Variants in DNAJB6 observed in about 807,000 individuals in gnomAD.
The protein encoded by DNAJB6 is dnaJ homolog subfamily B member 6.
DNAJB6 carries 16 observed loss-of-function variants against 42.7 expected under a neutral mutation model. The observed-to-expected ratio is 0.37, with a 90% CI of 0.25 to 0.57. DNAJB6 has a LOEUF of 0.57. Among genes scored for constraint, DNAJB6 ranks in the 20% least tolerant of loss-of-function variants. The pLI is 0.74. For missense variants in DNAJB6, 347 were observed against 416.8 expected (o/e 0.83, Z 1.46); for synonymous variants, 170 against 163.5 (o/e 1.04, Z -0.30).
chr7:157,399,537 C>T (rs1801748615), intron 8 of DNAJB6, among the ~76,000 whole-genome samples: 1 of 152,228 alleles, frequency 6.6e-6, no homozygotes, highest in African/African-American at 2.4e-5. Flanking sequence ...TGCGGCCTAG[C>T]AGCAGTCGGC....
At position 157,416,324 on chromosome 7, in the gene DNAJB6, T is replaced by C; in HGVS notation, c.*226T>C. 3.5e-6 allele frequency: 2 copies of C among 576,450 alleles called. No individual in the cohort carries two copies. Among genetic ancestry groups the C allele is most frequent in the Admixed American group, 3.2e-5 (1 of 31,670 alleles). The allele number at this position is 576,450 out of a possible 1,614,324, so 35.7% of individuals were successfully genotyped here. ...TTGGGACTTGGCCGCGACTCTCTGCTTCTCTCCAGCTCTCAATCTGCTGCA... is the reference window on the plus strand; with the variant it reads ...TTGGGACTTGGCCGCGACTCTCTGCCTCTCTCCAGCTCTCAATCTGCTGCA... On this transcript the variant is annotated 3_prime_UTR_variant, in exon 10 of 10. Transcript: ENST00000262177.
chr7:157,362,900 C>T (rs1008569332), intron 2 of DNAJB6, among the ~76,000 whole-genome samples: 4 of 152,200 alleles, frequency 2.6e-5, no homozygotes, highest in Non-Finnish European at 5.9e-5. Flanking sequence ...GCCTTGAACT[C>T]CTGGCCTCAA....
chr7:157,340,998 G>GTGCACGCGCGCGCT (rs67210462), intron 1 of DNAJB6, among the ~76,000 whole-genome samples: 2 of 134,960 alleles, frequency 1.5e-5, no homozygotes, highest in African/African-American at 6.4e-5. Flanking sequence ...GTGTGTGTGT[G>GTGCACGCGCGCGCT]CGCGCGCGCA....
At chr7:157,405,366 C>A (rs2117192608) in intron 8 of DNAJB6, among the ~76,000 whole-genome samples, 1 of 152,286 alleles carries the variant, frequency 6.6e-6, no homozygotes, top group South Asian at 2.1e-4. Context: ...GTGAGGCTGG[C>A]TTGTTCCGTC....
intron 8 of DNAJB6, among the ~76,000 whole-genome samples, chr7:157,406,736 C>T (rs1795780885): frequency 6.6e-6 from 1 of 152,258 alleles, no homozygotes; most frequent in African/African-American, 2.4e-5. Flanking sequence ...AACATCCATG[C>T]CTGCCTGGCG....
At chr7:157,395,136 A>G (rs961095848) in intron 8 of DNAJB6, among the ~76,000 whole-genome samples, 1 of 151,682 alleles carries the variant, frequency 6.6e-6, no homozygotes, top group African/African-American at 2.4e-5. Flanking sequence ...GAAAGCAGAG[A>G]GTTAGCTGTT....
Position 157,345,018 on chromosome 7 carries a change from A to C in DNAJB6, c.-27+7874A>C, listed in dbSNP as rs1259350103. Among the ~76,000 whole-genome samples, 7 of 150,992 alleles carry C rather than the reference A, an allele frequency of 4.6e-5. No individual in the cohort carries two copies. In the East Asian group the frequency reaches 1.4e-3, roughly 29 times the overall value. ...TTATTTATTTTATTTTTTGAGATGA[A>C]GTTTCGCCCTTGTTGCCCAGGCTAG... On this transcript the variant is annotated intron_variant, in intron 1 of 9. Coordinates refer to ENST00000262177, the MANE Select transcript of DNAJB6 (RefSeq NM_058246.4).
intron 2 of DNAJB6, among the ~76,000 whole-genome samples, chr7:157,361,361 G>A (rs1799583610): frequency 6.6e-6 from 1 of 152,138 alleles, no homozygotes; most frequent in Non-Finnish European, 1.5e-5. Context: ...GTTTCACCAT[G>A]TTGGCCAGGA....
intron 9 of DNAJB6, chr7:157,414,129 C>T (rs1476152517): frequency 6.6e-6 from 1 of 152,388 alleles, no homozygotes; most frequent in Non-Finnish European, 1.5e-5. Flanking sequence ...GCAGTGTGGT[C>T]ACCTCAGGCT....
chr7:157,351,493 T>C (rs1446557062), intron 1 of DNAJB6, among the ~76,000 whole-genome samples: 6 of 150,620 alleles, frequency 4.0e-5, no homozygotes, highest in African/African-American at 1.5e-4. Flanking sequence ...ATTGGCCAGG[T>C]GTGGTGGTGG....
At chr7:157,381,536 A>C (rs1800771505) in intron 5 of DNAJB6, 1 of 152,202 alleles carries the variant, frequency 6.6e-6, no homozygotes, top group South Asian at 2.1e-4. Flanking sequence ...TTGTGTTTCC[A>C]CTTGGCAGCG....
rs540811497 is a variant in DNAJB6 at position 157,401,299 on chromosome 7, A to G, written c.692-8496A>G. ...GATGGCGCCATCTTGGTTCACCGCT[A>G]CCTCCACCTCCTGGGTTCAAGCAAC... On this transcript the variant is annotated intron_variant, in intron 8 of 9. Transcript: ENST00000262177. Among the ~76,000 whole-genome samples, 8 of 151,758 alleles carry G rather than the reference A, an allele frequency of 5.3e-5. No individual in the cohort carries two copies. The South Asian group carries it at 1.0e-3, about 20-fold the overall frequency.
At chr7:157,339,280 CCTTTTTT>C (rs1274067325) in intron 1 of DNAJB6, among the ~76,000 whole-genome samples, 1 of 116,504 alleles carries the variant, frequency 8.6e-6, no homozygotes, top group South Asian at 2.6e-4. Flanking sequence ...TCTGTTTGCA[CCTTTTTT>C]TTTTTTTTTT....
At chr7:157,387,702 A>G (rs539446300) in intron 8 of DNAJB6, among the ~76,000 whole-genome samples, 1 of 152,282 alleles carries the variant, frequency 6.6e-6, no homozygotes, top group East Asian at 1.9e-4. Flanking sequence ...GTTTCATGCA[A>G]CTCTAGCTGT....
chr7:157,344,239 GC>G (rs1427858105), intron 1 of DNAJB6, among the ~76,000 whole-genome samples: 39 of 152,264 alleles, frequency 2.6e-4, no homozygotes, highest in African/African-American at 8.4e-4. Context: ...TACTTAGCAG[GC>G]TGAGGCAGGA....
intron 1 of DNAJB6, among the ~76,000 whole-genome samples, chr7:157,350,062 A>C (rs1302663805): frequency 6.6e-6 from 1 of 152,176 alleles, no homozygotes; most frequent in Admixed American, 6.5e-5. Context: ...CACTGGGATT[A>C]CAGGCATGAA....
chr7:157,362,724 A>G (rs1799664610), intron 2 of DNAJB6, among the ~76,000 whole-genome samples: 1 of 152,098 alleles, frequency 6.6e-6, no homozygotes, highest in South Asian at 2.1e-4. Context: ...CACGTTGTGG[A>G]CACTGTGATC....
At chr7:157,395,814 G>A (rs952209124) in intron 8 of DNAJB6, among the ~76,000 whole-genome samples, 11 of 149,276 alleles carry the variant, frequency 7.4e-5, no homozygotes, top group Admixed American at 2.0e-4. Context: ...CACCACACCC[G>A]GCTAATTCTT....
chr7:157,369,393 C>A lies in DNAJB6; in HGVS notation c.346+1910C>A, dbSNP rs532444420. 1.3e-5 allele frequency: 6 copies of A among 456,692 alleles called. No homozygotes were observed. In the East Asian group the frequency reaches 3.5e-4, roughly 26 times the overall value. 28.3% of individuals were successfully genotyped at this position (456,692 alleles called of 1,614,324 possible). A position where few individuals can be genotyped will look rare whatever the true frequency, so the allele number is the denominator to read the frequency against. On this transcript the variant is annotated intron_variant, in intron 5 of 9. Transcript: ENST00000262177. ...AGTGTTTGGGTTGAAGTCCTGTGTT[C>A]TGATCGGTGATTCTCATGGTGACCA...
Sources: allele counts gnomAD v4.1 joint callset (sites outside exome capture counted in the v4.1 genomes callset), GRCh38; gene constraint gnomAD v4.1.1; transcripts MANE v1.5; gene names NCBI Gene and HGNC (gene_info 2026-07-23, HGNC 2026-07-21).